Variants in LRRC37B observed in about 807,000 individuals in gnomAD.
The protein encoded by LRRC37B is leucine rich repeat containing 37B.
Under a neutral mutation model 98.3 loss-of-function variants are expected in LRRC37B, and 28 were observed. The ratio of observed to expected loss-of-function variants is 0.28; its 90% CI spans 0.21 to 0.39. The LOEUF (loss-of-function observed/expected upper bound fraction) is 0.39. LRRC37B is among the 10% of genes least tolerant of loss of function. The pLI is 1.00. For synonymous variants in LRRC37B, 364 were observed against 442.7 expected, an observed-to-expected ratio of 0.82 and a Z score of 2.23; for missense variants, 938 against 1,182.7, an observed-to-expected ratio of 0.79 and a Z score of 3.03.
intron 1 of LRRC37B, among the ~76,000 whole-genome samples, chr17:32,008,999 T>G (rs536019233): frequency 1.3e-5 from 2 of 152,338 alleles, no homozygotes; most frequent in African/African-American, 4.8e-5. Context: ...TATAAGAAAC[T>G]GCCAAAACTG....
chr17:32,020,948 G>A (rs1423387270), upstream of LRRC37B: 19 of 1,457,224 alleles, frequency 1.3e-5, no homozygotes, highest in Admixed American at 2.8e-5. Context: ...CCGGCCTGGC[G>A]GGGTGGGAAG....
At chr17:32,011,679 T>C (rs1334814262) in intron 1 of LRRC37B, among the ~76,000 whole-genome samples, 1 of 151,736 alleles carries the variant, frequency 6.6e-6, no homozygotes, top group Non-Finnish European at 1.5e-5. Flanking sequence ...GGATTTTTAG[T>C]AGAGATGGGG....
intron 8 of LRRC37B, 91 bp from the exon 12 acceptor site, chr17:32,047,670 C>G (rs562047793): frequency 9.5e-6 from 15 of 1,583,052 alleles, no homozygotes; most frequent in East Asian, 8.9e-5. Context: ...CTGACTCTTA[C>G]TCTGTGTGAC....
rs370381901 is a variant in LRRC37B at position 32,050,075 on chromosome 17, A to G, written c.2830A>G (p.Ile944Val). ...CGCAATATCTGTGACTGTAATACTA[A>G]TAATTTTGATTATAATTTTTTGTCT... The change falls in exon 11 of 12, where the codon ATA becomes GTA. Residue 944 changes from isoleucine (I) to valine (V), a missense_variant. Physicochemically the swap from Ile to Val is conservative, Grantham distance 29 (BLOSUM62 3). Around this residue, in one of 2 missense-constraint regions of LRRC37B, gnomAD observed 328 missense variants for 557.0 expected, o/e 0.59. Coordinates refer to ENST00000327564, the Ensembl canonical transcript of LRRC37B. 3 of 1,571,416 alleles carry G rather than the reference A, an allele frequency of 1.9e-6. No individual in the cohort carries two copies. In the African/African-American group the frequency reaches 4.1e-5, roughly 21 times the overall value.
intron 7 of LRRC37B, among the ~76,000 whole-genome samples, chr17:32,036,458 CAGT>C (rs776589992): frequency 1.3e-5 from 2 of 152,010 alleles, no homozygotes; most frequent in Admixed American, 1.3e-4. Context: ...AACAATAAAA[CAGT>C]AGAAAATTTA....
At chr17:32,034,778 G>T (rs769844122) in intron 5 of LRRC37B, 132 bp from the exon 9 acceptor site, 4 of 636,960 alleles carry the variant, frequency 6.3e-6, no homozygotes, top group Non-Finnish European at 8.4e-6. Context: ...GAGTCTAATG[G>T]TGATTTATTA....
upstream of LRRC37B, chr17:32,007,732 G>C: frequency 1.7e-6 from 2 of 1,193,444 alleles, no homozygotes; most frequent in Non-Finnish European, 2.1e-6. The surrounding 1 kb of genome is among the most constrained non-coding windows in gnomAD (Gnocchi z 4.1). Context: ...GCCGATACGC[G>C]GTAGTAGCCG....
chr17:32,019,412 T>A (rs1910715185), upstream of LRRC37B, among the ~76,000 whole-genome samples: 1 of 152,238 alleles, frequency 6.6e-6, no homozygotes, highest in South Asian at 2.1e-4. Flanking sequence ...TTTGTGTAAG[T>A]ATACACTATG....
chr17:32,025,453 G>A (rs890419843), intron 2 of LRRC37B, among the ~76,000 whole-genome samples: 1 of 151,356 alleles, frequency 6.6e-6, no homozygotes, highest in African/African-American at 2.4e-5. Flanking sequence ...CATGCTTCCA[G>A]ACTTTTCCCC....
chr17:32,047,941 G>A, intron 9 of LRRC37B, 40 bp downstream of exon 12: 1 of 1,614,114 alleles, frequency 6.2e-7, no homozygotes, highest in East Asian at 2.2e-5. Context: ...GATGTTAGCA[G>A]TGCACTAAGT....
rs1200075612 is a variant in LRRC37B, at chr17:32,022,419, A to G, written c.1354A>G (p.Ile452Val). The G allele has an allele frequency of 6.2e-6, 10 of 1,613,236 alleles. No individual in the cohort carries two copies. The Admixed American group carries it at 1.5e-4, about 24-fold the overall frequency. Residue 452 changes from isoleucine (I) to valine (V), a missense_variant, in exon 1 of 12, where the codon ATA becomes GTA. Ile to Val is a conservative substitution (Grantham distance 29). Around this residue, in one of 2 missense-constraint regions of LRRC37B, gnomAD observed 610 missense variants for 625.6 expected, o/e 0.98. Transcript: ENST00000327564. The stretch of plus-strand genomic sequence containing the variant: ...TCAACCTCTGGACCTGGAGCTTAGC[A>G]TAACTACAGAGCCTACTACAGAGGT...
At chr17:32,014,814 G>A (rs1910615617) in intron 1 of LRRC37B, among the ~76,000 whole-genome samples, 1 of 152,202 alleles carries the variant, frequency 6.6e-6, no homozygotes. Context: ...GCACTTTAAA[G>A]TGCTCAGCAC....
Position 32,040,934 on chromosome 17 carries a change from A to G in LRRC37B, c.2205-4766A>G, listed in dbSNP as rs1243813908. 8 of 960,426 alleles carry G rather than the reference A, an allele frequency of 8.3e-6. No homozygotes were observed. In the Admixed American group the frequency reaches 1.4e-4, roughly 16 times the overall value. 59.5% of individuals were successfully genotyped at this position (960,426 alleles called of 1,614,324 possible). The stretch of plus-strand genomic sequence containing the variant: ...AGGGCCGCCGCCTGGACTTTGACTA[A>G]AAGAAGCGGCAGGGCAAGATCCCCG... On this transcript the variant is annotated intron_variant, in intron 7 of 11. Coordinates refer to ENST00000327564, the Ensembl canonical transcript of LRRC37B.
intron 1 of LRRC37B, among the ~76,000 whole-genome samples, chr17:32,014,664 A>C (rs1910611074): frequency 6.6e-6 from 1 of 152,180 alleles, no homozygotes; most frequent in Non-Finnish European, 1.5e-5. Context: ...TTGAAAGCAC[A>C]AGTTAGAACC....
intron 1 of LRRC37B, among the ~76,000 whole-genome samples, chr17:32,010,999 C>CTT (rs879813174): frequency 4.2e-5 from 6 of 143,272 alleles, no homozygotes; most frequent in Non-Finnish European, 4.6e-5. Context: ...AAGGATTTCA[C>CTT]TTTTTTTTTT....
At chr17:32,047,381 G>A in intron 8 of LRRC37B, 1 of 283,436 alleles carries the variant, frequency 3.5e-6, no homozygotes, top group Non-Finnish European at 6.9e-6. Flanking sequence ...TGCTCTCTCT[G>A]CATATGAGGC....
chr17:32,049,103 T>C, exon 10 of LRRC37B: 1 of 1,613,772 alleles, frequency 6.2e-7, no homozygotes, highest in South Asian at 1.1e-5. Flanking sequence ...CGTCCCCAGG[T>C]GATCAGCTTG....
intron 2 of LRRC37B, among the ~76,000 whole-genome samples, chr17:32,026,991 A>G (rs1910972515): frequency 6.6e-6 from 1 of 152,228 alleles, no homozygotes; most frequent in Non-Finnish European, 1.5e-5. Flanking sequence ...GGAGTCTGAG[A>G]CCAGTGTGGG....
Position 32,022,311 on chromosome 17 carries a change from C to T in LRRC37B, c.1246C>T (p.Pro416Ser), listed in dbSNP as rs201490924. The T allele has an allele frequency of 3.1e-6, 5 of 1,613,804 alleles. No homozygotes were observed. The highest frequency in any genetic ancestry group is 1.1e-5 in the South Asian group (1 of 91,074). ...TTCTACAGCCCTGAGGACTACAGAT[C>T]CTCCTCCAGAACACCCTGAGGTGAC... Residue 416 changes from proline to serine, a missense_variant, in exon 1 of 12, where the codon CCT (proline) becomes TCT (serine). Coordinates refer to ENST00000327564, the Ensembl canonical transcript of LRRC37B.
Sources: gnomAD v4.1 joint callset for allele counts (sites outside exome capture counted in the v4.1 genomes callset) on GRCh38, gnomAD v4.1.1 for gene constraint, gnomAD v4.1.1 regional missense constraint, Gnocchi (gnomAD v3.1) non-coding constraint, MANE v1.5 for transcripts, NCBI Gene and HGNC (gene_info 2026-07-23, HGNC 2026-07-21) for gene names.